The following LRMDA variants were observed in gnomAD, a reference collection of about 807,000 sequenced individuals.
LRMDA encodes the protein leucine rich melanocyte differentiation associated.
Under a neutral mutation model 29.8 loss-of-function variants are expected in LRMDA, and 18 were observed. The observed-to-expected ratio is 0.60, with a 90% CI of 0.42 to 0.90. The LOEUF is 0.90. Ranked by LOEUF, LRMDA falls within the 40% of genes least tolerant of loss-of-function variation. LRMDA has a pLI of 0.00. For missense variants in LRMDA, 273 were observed against 273.9 expected (o/e 1.00, Z 0.02); for synonymous variants, 125 against 109.4 (o/e 1.14, Z -0.89).
chr10:76,444,965 A>G (rs1354390557), intron 6 of LRMDA, among the ~76,000 whole-genome samples: 1 of 152,136 alleles, frequency 6.6e-6, no homozygotes, highest in African/African-American at 2.4e-5. Flanking sequence ...ATATCCATAT[A>G]TATTTATATT....
chr10:76,068,276 TA>T (rs1848818477), intron 5 of LRMDA, among the ~76,000 whole-genome samples: 1 of 152,256 alleles, frequency 6.6e-6, no homozygotes. Flanking sequence ...ATGTTTCTGA[TA>T]CTTAACATTT....
At chr10:75,597,248 T>G (rs1438352657) in intron 2 of LRMDA, among the ~76,000 whole-genome samples, 1 of 152,250 alleles carries the variant, frequency 6.6e-6, no homozygotes, top group Non-Finnish European at 1.5e-5. Context: ...GAGTATCTGA[T>G]GAACGAATAC....
chr10:76,485,480 A>G (rs563237789), intron 6 of LRMDA, among the ~76,000 whole-genome samples: 1 of 152,038 alleles, frequency 6.6e-6, no homozygotes, highest in African/African-American at 2.4e-5. Context: ...ACTTATTCAT[A>G]TAGTGTTATC....
intron 2 of LRMDA, among the ~76,000 whole-genome samples, chr10:75,604,082 A>G (rs3012038): frequency 0.085 from 12,966 of 152,168 alleles, 839 homozygotes; most frequent in East Asian, 0.32. Context: ...CCAATTTTAT[A>G]TCAGTTGGAT....
At chr10:76,152,265 AT>A (rs199825778) in intron 5 of LRMDA, among the ~76,000 whole-genome samples, 1,673 of 152,336 alleles carry the variant, frequency 0.011, 13 homozygotes, top group Non-Finnish European at 0.016. Context: ...AAATGTAGTC[AT>A]ACAACATGTA....
chr10:76,016,574 T>G (rs1847882803), intron 2 of LRMDA, among the ~76,000 whole-genome samples: 1 of 152,202 alleles, frequency 6.6e-6, no homozygotes. Flanking sequence ...TCATTGGGAC[T>G]GAGAGGCAGA....
intron 5 of LRMDA, among the ~76,000 whole-genome samples, chr10:76,162,594 A>T (rs1850667574): frequency 1.3e-5 from 2 of 152,094 alleles, no homozygotes; most frequent in Admixed American, 6.6e-5. Flanking sequence ...AGCAAGAGAG[A>T]GGGAGATGCT....
chr10:76,502,666 G>T (rs928185841), intron 6 of LRMDA, among the ~76,000 whole-genome samples: 1 of 151,600 alleles, frequency 6.6e-6, no homozygotes, highest in Admixed American at 6.6e-5. Context: ...CCTGGACATT[G>T]TTGGTTTATA....
At chr10:76,450,246 C>T (rs1057385821) in intron 6 of LRMDA, among the ~76,000 whole-genome samples, 1 of 152,022 alleles carries the variant, frequency 6.6e-6, no homozygotes, top group Admixed American at 6.5e-5. Flanking sequence ...CTAGTCATTG[C>T]TCTGGACAAA....
intron 5 of LRMDA, among the ~76,000 whole-genome samples, chr10:76,151,537 G>A (rs1019500824): frequency 1.1e-4 from 17 of 152,278 alleles, no homozygotes; most frequent in Non-Finnish European, 2.4e-4. Context: ...GCACATATCA[G>A]GGGCCAAACA....
intron 6 of LRMDA, among the ~76,000 whole-genome samples, chr10:76,538,555 TAC>T (rs57625591): frequency 0.042 from 5,727 of 135,160 alleles, 402 homozygotes; most frequent in African/African-American, 0.11. Context: ...TATATATATA[TAC>T]ACACACACAC....
At chr10:76,556,690 T>TAATC (rs1843562179) in intron 6 of LRMDA, among the ~76,000 whole-genome samples, 2 of 152,162 alleles carry the variant, frequency 1.3e-5, no homozygotes, top group Non-Finnish European at 2.9e-5. Context: ...CTCTCTTCCT[T>TAATC]AATCATCCCA....
intron 6 of LRMDA, among the ~76,000 whole-genome samples, chr10:76,341,780 C>A (rs1335854676): frequency 6.6e-6 from 1 of 152,092 alleles, no homozygotes; most frequent in Admixed American, 6.5e-5. Context: ...ATGTGGTTTC[C>A]TTTTGTTGGC....
intron 5 of LRMDA, chr10:76,318,675 C>A (rs1311506392): frequency 6.6e-6 from 1 of 152,290 alleles, no homozygotes; most frequent in African/African-American, 2.4e-5. Flanking sequence ...TATGGCTGTT[C>A]CTGCTTTCAA....
chr10:76,273,645 A>G (rs1368298092), intron 5 of LRMDA, among the ~76,000 whole-genome samples: 2 of 152,318 alleles, frequency 1.3e-5, no homozygotes, highest in Non-Finnish European at 2.9e-5. Context: ...GGCATAAAGT[A>G]ATGGTGCCTA....
chr10:75,603,364 C>T (rs917485568), intron 2 of LRMDA, among the ~76,000 whole-genome samples: 19 of 152,176 alleles, frequency 1.2e-4, no homozygotes, highest in Non-Finnish European at 2.4e-4. Context: ...CCCAGGGCCA[C>T]GAGACACTTT....
chr10:75,460,693 T>C (rs1844573934), intron 2 of LRMDA, among the ~76,000 whole-genome samples: 1 of 152,196 alleles, frequency 6.6e-6, no homozygotes, highest in Admixed American at 6.5e-5. Context: ...AAAATTGGGA[T>C]CAGCCTGTAT....
intron 6 of LRMDA, among the ~76,000 whole-genome samples, chr10:76,522,834 G>C (rs368308221): frequency 1.1e-3 from 161 of 152,240 alleles, no homozygotes; most frequent in African/African-American, 3.7e-3. Context: ...GGATGCCTTT[G>C]TGGAGGGCTC....
At chr10:76,542,430 G>T (rs1254403963) in intron 6 of LRMDA, among the ~76,000 whole-genome samples, 1 of 152,056 alleles carries the variant, frequency 6.6e-6, no homozygotes, top group East Asian at 1.9e-4. Flanking sequence ...GTCTGGGATT[G>T]GGGCTGACTG....
Sources: allele counts gnomAD v4.1 joint callset (sites outside exome capture counted in the v4.1 genomes callset), GRCh38; gene constraint gnomAD v4.1.1; transcripts MANE v1.5; gene names NCBI Gene and HGNC (gene_info 2026-07-23, HGNC 2026-07-21).